SLC4A5: variants seen among roughly 807,000 people sequenced by gnomAD.
SLC4A5 encodes the protein solute carrier family 4 member 5.
SLC4A5 carries 96 observed loss-of-function variants against 120.4 expected under a neutral mutation model. That is an observed-to-expected ratio of 0.80 (90% confidence interval 0.68 to 0.94). SLC4A5 has a LOEUF of 0.94. SLC4A5 is among the 40% of genes least tolerant of loss of function. The pLI, the probability that SLC4A5 is intolerant of heterozygous loss-of-function variation, is 0.00. For missense variants in SLC4A5, 1,259 were observed against 1,459.5 expected, an observed-to-expected ratio of 0.86 and a Z score of 2.24; for synonymous variants, 550 against 571.1, an observed-to-expected ratio of 0.96 and a Z score of 0.53.
At chr2:74,340,529 G>C (rs1673600300) in intron 2 of SLC4A5, among the ~76,000 whole-genome samples, 1 of 152,094 alleles carries the variant, frequency 6.6e-6, no homozygotes, top group Non-Finnish European at 1.5e-5. Context: ...GGCAGAAGCA[G>C]AGAAATTCCC....
Position 74,232,452 on chromosome 2 carries a change from G to A in SLC4A5, c.2774+17C>T. The A allele has an allele frequency of 6.2e-7, 1 of 1,613,010 alleles. No individual in the cohort carries two copies. Among genetic ancestry groups the A allele is most frequent in the Non-Finnish European group, 8.5e-7 (1 of 1,179,544 alleles). On this transcript the variant is annotated intron_variant, in intron 24 of 30. Coordinates refer to ENST00000394019, the Ensembl canonical transcript of SLC4A5. Reference sequence around the variant, plus strand: ...CCCCTCCCCATTGGGTGATCCCTAGGCCCTGACCCCTCCTACCTGACTCCC... The same window carrying A: ...CCCCTCCCCATTGGGTGATCCCTAGACCCTGACCCCTCCTACCTGACTCCC...
exon 31 of SLC4A5, chr2:74,217,480 A>G (rs2103852478): frequency 6.6e-6 from 1 of 152,300 alleles, no homozygotes; most frequent in Non-Finnish European, 1.5e-5. Flanking sequence ...GTAAAATGTG[A>G]CCTTACCTCT....
At chr2:74,240,782 A>C (rs546976345) in intron 20 of SLC4A5, among the ~76,000 whole-genome samples, 2 of 151,648 alleles carry the variant, frequency 1.3e-5, no homozygotes, top group East Asian at 1.9e-4. Flanking sequence ...AAAAAAAAAA[A>C]CCCTAATCTT....
At chr2:74,296,734 C>A (rs925056381) in intron 7 of SLC4A5, among the ~76,000 whole-genome samples, 2 of 149,674 alleles carry the variant, frequency 1.3e-5, no homozygotes, top group Non-Finnish European at 3.0e-5. Context: ...TTGTAGTGAG[C>A]CGAGATCGTG....
intron 20 of SLC4A5, among the ~76,000 whole-genome samples, chr2:74,240,872 A>G (rs1220318955): frequency 6.6e-6 from 1 of 152,226 alleles, no homozygotes; most frequent in Non-Finnish European, 1.5e-5. Context: ...TAACTTAAGA[A>G]GCAACCTTGG....
At chr2:74,341,432 T>C (rs1055575396) in intron 2 of SLC4A5, among the ~76,000 whole-genome samples, 9 of 152,208 alleles carry the variant, frequency 5.9e-5, no homozygotes, top group African/African-American at 2.2e-4. Context: ...TAATTGTTAA[T>C]TAACACGCAT....
At chr2:74,314,775 C>G (rs1672911070) in intron 6 of SLC4A5, among the ~76,000 whole-genome samples, 170 bp downstream of exon 6, 2 of 152,144 alleles carry the variant, frequency 1.3e-5, no homozygotes, top group South Asian at 2.1e-4. Context: ...CATGCAGTCA[C>G]CTGGGGATAC....
chr2:74,245,890 C>T (rs1234690852), intron 19 of SLC4A5, among the ~76,000 whole-genome samples: 1 of 152,132 alleles, frequency 6.6e-6, no homozygotes, highest in African/African-American at 2.4e-5. Context: ...ATTTGGAAAC[C>T]CCACAGGAGT....
At chr2:74,286,226 G>A (rs1225099460) in intron 7 of SLC4A5, among the ~76,000 whole-genome samples, 1 of 152,174 alleles carries the variant, frequency 6.6e-6, no homozygotes, top group Non-Finnish European at 1.5e-5. Flanking sequence ...GAAGCACTCT[G>A]ACCCAACTTC....
At chr2:74,290,120 T>C in intron 7 of SLC4A5, 8 of 985,082 alleles carry the variant, frequency 8.1e-6, no homozygotes, top group Non-Finnish European at 9.6e-6. Flanking sequence ...GTGCCTGCCA[T>C]TCCCTAAGTC....
chr2:74,298,609 G>T (rs928243997), intron 7 of SLC4A5, among the ~76,000 whole-genome samples: 7 of 152,164 alleles, frequency 4.6e-5, no homozygotes, highest in African/African-American at 1.7e-4. Context: ...GCATGGCAAA[G>T]GAAACAATCA....
chr2:74,236,758 T>C (rs1301814608), intron 21 of SLC4A5, among the ~76,000 whole-genome samples: 1 of 152,158 alleles, frequency 6.6e-6, no homozygotes, highest in Admixed American at 6.5e-5. Context: ...TTTTTGTAGG[T>C]TGAAACAGTC....
At chr2:74,272,955 G>T (rs1288123482) in intron 8 of SLC4A5, among the ~76,000 whole-genome samples, 1 of 152,200 alleles carries the variant, frequency 6.6e-6, no homozygotes, top group Non-Finnish European at 1.5e-5. Context: ...CTCCTCAGAT[G>T]GAAACTTCGT....
chr2:74,219,212 TG>T (rs879841736), intron 30 of SLC4A5, among the ~76,000 whole-genome samples: 4,018 of 110,060 alleles, frequency 0.037, 84 homozygotes, highest in Non-Finnish European at 0.051. Context: ...TGTGTGTGTG[TG>T]TGTGTGTTTG....
At chr2:74,230,829 G>A (rs531621228) in intron 25 of SLC4A5, among the ~76,000 whole-genome samples, 20 of 151,792 alleles carry the variant, frequency 1.3e-4, no homozygotes, top group East Asian at 3.9e-4. Flanking sequence ...GTTTTGAGAC[G>A]GAGTTTCGCT....
intron 8 of SLC4A5, among the ~76,000 whole-genome samples, chr2:74,284,641 C>CCA (rs1037869953): frequency 2.6e-5 from 4 of 152,156 alleles, no homozygotes; most frequent in Non-Finnish European, 5.9e-5. Context: ...CTGCCTCTTA[C>CCA]CATAGCCTTC....
At chr2:74,265,385 C>T (rs1168653400) in intron 8 of SLC4A5, 121 bp from the exon 9 acceptor site, 1 of 1,174,444 alleles carries the variant, frequency 8.5e-7, no homozygotes, top group Non-Finnish European at 1.2e-6. Flanking sequence ...TGGTGTTGGT[C>T]CCAGACTCAC....
chr2:74,322,530 T>C (rs952518774), intron 5 of SLC4A5, among the ~76,000 whole-genome samples: 18 of 152,202 alleles, frequency 1.2e-4, no homozygotes, highest in African/African-American at 4.3e-4. Flanking sequence ...TGATGCTTGA[T>C]GATCTTTGGT....
At chr2:74,226,494 T>C (rs899766815) in intron 27 of SLC4A5, among the ~76,000 whole-genome samples, 1 of 152,176 alleles carries the variant, frequency 6.6e-6, no homozygotes, top group Admixed American at 6.5e-5. Context: ...TATACCATCA[T>C]TGGGTTTTGT....
Sources: allele counts gnomAD v4.1 joint callset (sites outside exome capture counted in the v4.1 genomes callset), GRCh38; gene constraint gnomAD v4.1.1; transcripts MANE v1.5; gene names NCBI Gene and HGNC (gene_info 2026-07-23, HGNC 2026-07-21).